Variants in TSPAN19 observed in about 807,000 individuals in gnomAD.
TSPAN19 encodes tetraspanin 19, also known as tetraspanin-19.
Under a neutral mutation model 35.1 loss-of-function variants are expected in TSPAN19, and 44 were observed. The observed-to-expected ratio is 1.25, with a 90% CI of 0.98 to 1.61. The LOEUF (loss-of-function observed/expected upper bound fraction) is 1.61. TSPAN19 is among the 40% of genes most tolerant of loss of function. TSPAN19 has a pLI of 0.00. For missense variants in TSPAN19, 290 were observed against 280.0 expected, an observed-to-expected ratio of 1.04 and a Z score of -0.26; for synonymous variants, 79 against 92.0, an observed-to-expected ratio of 0.86 and a Z score of 0.81.
Position 85,019,607 on chromosome 12 carries a change from T to G in TSPAN19, c.450+19A>C, listed in dbSNP as rs748631678. On this transcript the variant is annotated intron_variant, in intron 6 of 8. Coordinates refer to ENST00000532498, the MANE Select transcript of TSPAN19 (RefSeq NM_001100917.2). ...GTGGTCAATACTGACATCTAATTTTTTAGTTAATTTCATCTTACTGTTTTC... is the reference window on the plus strand; with the variant it reads ...GTGGTCAATACTGACATCTAATTTTGTAGTTAATTTCATCTTACTGTTTTC... The G allele has an allele frequency of 6.8e-7, 1 of 1,474,198 alleles. No individual in the cohort carries two copies. The highest frequency in any genetic ancestry group is 2.3e-5 in the East Asian group (1 of 44,012). 91.3% of individuals were successfully genotyped at this position (1,474,198 alleles called of 1,614,324 possible). A position where few individuals can be genotyped will look rare whatever the true frequency, so the allele number is the denominator to read the frequency against.
At chr12:85,015,206 A>T (rs1876728605) in intron 8 of TSPAN19, 1 of 151,848 alleles carries the variant, frequency 6.6e-6, no homozygotes, top group Non-Finnish European at 1.5e-5. Flanking sequence ...ATAACACTCT[A>T]TTTACTCTCA....
At position 85,034,207 on chromosome 12, in the gene TSPAN19, C is replaced by A. The variant is rs79319505; in HGVS notation, c.-28+1997G>T. ...TTACTTTTACTCAATAATTACGGTG[C>A]CTCAAGAAAATGAAACAAAGAAATA... On this transcript the variant is annotated intron_variant, in intron 1 of 8. Transcript: ENST00000532498. 2.5e-3 allele frequency among the ~76,000 whole-genome samples: 377 copies of A among 152,048 alleles called. 3 individuals are homozygous for A. The highest frequency in any genetic ancestry group is 8.6e-3 in the African/African-American group (356 of 41,488).
intron 3 of TSPAN19, 114 bp downstream of exon 3, chr12:85,029,605 T>C: frequency 2.3e-6 from 2 of 878,806 alleles, no homozygotes; most frequent in Middle Eastern, 3.1e-4. Context: ...GAAGGAATGC[T>C]GGACACTTAA....
intron 4 of TSPAN19, among the ~76,000 whole-genome samples, chr12:85,024,081 G>T (rs1877269701): frequency 6.6e-6 from 1 of 152,186 alleles, no homozygotes; most frequent in Non-Finnish European, 1.5e-5. Context: ...AGTTCATTCT[G>T]TGAGGAGAGG....
chr12:85,018,419 A>G (rs576755371), intron 6 of TSPAN19, among the ~76,000 whole-genome samples: 1 of 152,048 alleles, frequency 6.6e-6, no homozygotes, highest in East Asian at 1.9e-4. Flanking sequence ...TACATATATT[A>G]TCTCAGTTAT....
chr12:85,023,210 A>G, intron 5 of TSPAN19, 116 bp downstream of exon 5: 1 of 860,162 alleles, frequency 1.2e-6, no homozygotes, highest in South Asian at 1.8e-5. Context: ...ATTTTCCCCT[A>G]AAGAAATTTA....
Position 85,027,872 on chromosome 12 carries a change from T to A in TSPAN19, c.264+27A>T, listed in dbSNP as rs751721332. The A allele has an allele frequency of 3.9e-6, 6 of 1,537,998 alleles. No homozygotes were observed. The Admixed American group carries it at 1.3e-4, about 34-fold the overall frequency. On this transcript the variant is annotated intron_variant, in intron 4 of 8. Transcript: ENST00000532498. ...GATACTTAAAAATCTAAGACAAAAATTCAAACTATTGACATGAAATACGTA... is the reference window on the plus strand; with the variant it reads ...GATACTTAAAAATCTAAGACAAAAAATCAAACTATTGACATGAAATACGTA...
chr12:85,028,866 G>A (rs1183256521), intron 3 of TSPAN19, among the ~76,000 whole-genome samples: 1 of 152,162 alleles, frequency 6.6e-6, no homozygotes, highest in Non-Finnish European at 1.5e-5. Context: ...TGGGAACAGA[G>A]GCACCTAAAC....
At position 85,015,877 on chromosome 12, in the gene TSPAN19, C is replaced by A; in HGVS notation, c.678+11G>T. On this transcript the variant is annotated intron_variant, in intron 8 of 8. Coordinates refer to ENST00000532498, the MANE Select transcript of TSPAN19 (RefSeq NM_001100917.2). ...AATATTTTTCATTTTAACATATGAA[C>A]AAAAGCTTACCTCTGAAGTTAAAAG... The A allele has an allele frequency of 6.5e-7, 1 of 1,533,482 alleles. No homozygotes were observed. The highest frequency in any genetic ancestry group is 2.0e-5 in the Admixed American group (1 of 49,838). The allele number at this position is 1,533,482 out of a possible 1,614,324, so 95.0% of individuals were successfully genotyped here.
chr12:85,032,326 A>G (rs906181209), intron 1 of TSPAN19, among the ~76,000 whole-genome samples: 1 of 152,108 alleles, frequency 6.6e-6, no homozygotes, highest in Admixed American at 6.6e-5. Flanking sequence ...GTAGAGAATG[A>G]AATGATACAA....
chr12:85,030,446 T>C (rs1323355585), intron 1 of TSPAN19, among the ~76,000 whole-genome samples: 1 of 152,090 alleles, frequency 6.6e-6, no homozygotes, highest in Non-Finnish European at 1.5e-5. Context: ...CAGAATAATA[T>C]TAGCTCCTCA....
chr12:85,035,441 AC>A (rs1389487193), intron 1 of TSPAN19, among the ~76,000 whole-genome samples: 2 of 152,250 alleles, frequency 1.3e-5, no homozygotes, highest in East Asian at 3.9e-4. Flanking sequence ...AAGGAAACTA[AC>A]ATGTGTGCTT....
chr12:85,017,831 G>C (rs1484980174), intron 6 of TSPAN19, among the ~76,000 whole-genome samples: 2 of 151,676 alleles, frequency 1.3e-5, no homozygotes, highest in Admixed American at 6.6e-5. Context: ...GCTTGTGGTT[G>C]GATAGAATTA....
chr12:85,016,183 A>G (rs149965427), intron 7 of TSPAN19: 1 of 402,100 alleles, frequency 2.5e-6, no homozygotes, highest in African/African-American at 2.1e-5. Flanking sequence ...CTAAGATGTT[A>G]TCATGTAATT....
intron 7 of TSPAN19, chr12:85,016,784 T>G (rs572072693): frequency 6.6e-6 from 1 of 151,978 alleles, no homozygotes; most frequent in South Asian, 2.1e-4. Flanking sequence ...GGGCAACTAC[T>G]GTATATATCA....
intron 5 of TSPAN19, among the ~76,000 whole-genome samples, chr12:85,020,531 T>C (rs1227007283): frequency 1.3e-5 from 2 of 152,008 alleles, no homozygotes; most frequent in Non-Finnish European, 2.9e-5. Context: ...GTGAGTATTT[T>C]AAGCTCAAGG....
intron 5 of TSPAN19, among the ~76,000 whole-genome samples, chr12:85,020,074 G>T (rs1877042433): frequency 6.6e-6 from 1 of 151,932 alleles, no homozygotes; most frequent in Non-Finnish European, 1.5e-5. Flanking sequence ...AAAAAAGTTT[G>T]TTGAGTGTCT....
intron 1 of TSPAN19, among the ~76,000 whole-genome samples, chr12:85,031,387 T>C (rs1227618154): frequency 2.0e-5 from 3 of 152,136 alleles, no homozygotes; most frequent in Non-Finnish European, 1.5e-5. Context: ...AAAAGCTCTC[T>C]CACAGCCTGA....
intron 6 of TSPAN19, among the ~76,000 whole-genome samples, chr12:85,018,047 A>G (rs2135794225): frequency 6.6e-6 from 1 of 151,968 alleles, no homozygotes; most frequent in African/African-American, 2.4e-5. Context: ...TCTAGGATTA[A>G]TGTGAGATGT....
Sources: gnomAD v4.1 joint callset for allele counts (sites outside exome capture counted in the v4.1 genomes callset) on GRCh38, gnomAD v4.1.1 for gene constraint, MANE v1.5 for transcripts, NCBI Gene and HGNC (gene_info 2026-07-23, HGNC 2026-07-21) for gene names.